Variants in PRKCB observed in about 807,000 individuals in gnomAD.
The protein encoded by PRKCB is protein kinase C beta.
In PRKCB, 13 loss-of-function variants were observed where a neutral mutation model predicts 81.5. The observed-to-expected ratio is 0.16, with a 90% CI of 0.10 to 0.25. PRKCB has a LOEUF of 0.25. PRKCB is among the 10% of genes least tolerant of loss of function. The pLI is 1.00. For missense variants in PRKCB, 509 were observed against 875.7 expected (o/e 0.58, Z 5.29); for synonymous variants, 335 against 321.4 (o/e 1.04, Z -0.45).
intron 3 of PRKCB, among the ~76,000 whole-genome samples, chr16:24,005,885 G>A (rs2141833857): frequency 6.6e-6 from 1 of 152,322 alleles, no homozygotes; most frequent in South Asian, 2.1e-4. Context: ...AACCCCAAGT[G>A]GGGACACCCA....
intron 2 of PRKCB, among the ~76,000 whole-genome samples, chr16:23,986,472 A>G (rs1964805524): frequency 6.6e-6 from 1 of 151,998 alleles, no homozygotes; most frequent in Admixed American, 6.6e-5. Context: ...GGTTGGTCTT[A>G]AACTCCTGGG....
intron 8 of PRKCB, among the ~76,000 whole-genome samples, chr16:24,123,237 T>G (rs1966823155): frequency 6.6e-6 from 1 of 152,024 alleles, no homozygotes. Context: ...GAATAGCCAT[T>G]TGTACCACAG....
chr16:23,925,025 A>G (rs1264347199), intron 2 of PRKCB, among the ~76,000 whole-genome samples: 1 of 152,092 alleles, frequency 6.6e-6, no homozygotes, highest in African/African-American at 2.4e-5. Context: ...TCAATTCATT[A>G]GGTAAGGTCT....
chr16:23,970,813 C>T (rs771199184), intron 2 of PRKCB, among the ~76,000 whole-genome samples: 1 of 152,178 alleles, frequency 6.6e-6, no homozygotes, highest in Non-Finnish European at 1.5e-5. Flanking sequence ...GTAGCACTGC[C>T]ATTTCATAAA....
intron 9 of PRKCB, among the ~76,000 whole-genome samples, chr16:24,149,976 G>GT (rs748967997): frequency 3.9e-5 from 6 of 152,120 alleles, no homozygotes; most frequent in Non-Finnish European, 8.8e-5. Flanking sequence ...TACCTTCTTT[G>GT]TTTTTTTCCC....
At chr16:23,845,580 A>C (rs960608324) in intron 2 of PRKCB, among the ~76,000 whole-genome samples, 3 of 152,218 alleles carry the variant, frequency 2.0e-5, no homozygotes, top group Non-Finnish European at 2.9e-5. Flanking sequence ...CAGGAGTTCG[A>C]GACCAGCCTG....
intron 2 of PRKCB, among the ~76,000 whole-genome samples, chr16:23,854,526 C>T (rs1053681676): frequency 5.3e-5 from 8 of 152,120 alleles, no homozygotes; most frequent in Non-Finnish European, 1.0e-4. Context: ...TGGGGCCTCT[C>T]TTCAGGTCTT....
At chr16:24,102,172 T>C (rs1356469284) in intron 7 of PRKCB, among the ~76,000 whole-genome samples, 2 of 152,150 alleles carry the variant, frequency 1.3e-5, no homozygotes, top group East Asian at 3.9e-4. Flanking sequence ...CTCTCTGTAC[T>C]ACAGCTTTCA....
Position 24,071,435 on chromosome 16 carries a change from C to T in PRKCB, c.530-21356C>T, listed in dbSNP as rs77918132. ...CCTGGGTAACATGGTGAGACCCTGT[C>T]TAAAAAAAAAAAAAAAAAAAAAAAA... On this transcript the variant is annotated intron_variant, in intron 5 of 16. Transcript: ENST00000643927. Among the ~76,000 whole-genome samples the T allele has an allele frequency of 3.1e-4, 24 of 77,710 alleles. No individual in the cohort carries two copies. In the East Asian group the frequency reaches 8.3e-3, roughly 27 times the overall value. The allele number at this position is 77,710 out of a possible 152,430, so 51.0% of individuals were successfully genotyped here.
intron 7 of PRKCB, among the ~76,000 whole-genome samples, chr16:24,107,286 T>G (rs1289041490): frequency 6.6e-6 from 1 of 152,242 alleles, no homozygotes; most frequent in Non-Finnish European, 1.5e-5. Flanking sequence ...GGGAGTTACT[T>G]TGATTCTGCA....
chr16:24,185,701 C>A (rs1377743595), intron 15 of PRKCB, 134 bp downstream of exon 15: 12 of 718,590 alleles, frequency 1.7e-5, no homozygotes, highest in Non-Finnish European at 2.8e-5. Flanking sequence ...AATATGAGAA[C>A]CCTGATGTGG....
chr16:24,077,708 T>C (rs1966198126), intron 5 of PRKCB, among the ~76,000 whole-genome samples: 1 of 152,208 alleles, frequency 6.6e-6, no homozygotes, highest in Non-Finnish European at 1.5e-5. Context: ...TGGGACCCCT[T>C]CTAACAGATG....
chr16:24,014,669 C>T (rs1965253108), intron 3 of PRKCB, among the ~76,000 whole-genome samples: 2 of 152,206 alleles, frequency 1.3e-5, no homozygotes, highest in Admixed American at 1.3e-4. Flanking sequence ...AAAGCAGGCT[C>T]ATTATATTCA....
chr16:23,993,867 C>T (rs1039902329), intron 3 of PRKCB, among the ~76,000 whole-genome samples: 1 of 152,154 alleles, frequency 6.6e-6, no homozygotes, highest in Non-Finnish European at 1.5e-5. Context: ...GGGAAGCCTA[C>T]TAAATTCTTA....
intron 2 of PRKCB, among the ~76,000 whole-genome samples, chr16:23,955,249 C>T (rs1046324214): frequency 6.6e-6 from 1 of 151,992 alleles, no homozygotes; most frequent in African/African-American, 2.4e-5. Context: ...CACACACACA[C>T]ACAGCCAGGC....
intron 2 of PRKCB, among the ~76,000 whole-genome samples, chr16:23,854,509 G>C (rs926027204): frequency 3.9e-4 from 59 of 152,140 alleles, no homozygotes; most frequent in African/African-American, 1.4e-3. Flanking sequence ...GGGATGTCTA[G>C]GACAACTGGG....
intron 9 of PRKCB, among the ~76,000 whole-genome samples, chr16:24,150,038 G>A (rs1440299413): frequency 6.6e-6 from 1 of 152,120 alleles, no homozygotes; most frequent in Non-Finnish European, 1.5e-5. Flanking sequence ...TGGTAGAAAA[G>A]GACCACGCTA....
intron 10 of PRKCB, among the ~76,000 whole-genome samples, chr16:24,168,944 T>C (rs966711545): frequency 1.3e-5 from 2 of 152,048 alleles, no homozygotes; most frequent in Non-Finnish European, 2.9e-5. Flanking sequence ...CAACTTGAGT[T>C]TGGAAAACAC....
intron 5 of PRKCB, among the ~76,000 whole-genome samples, chr16:24,037,035 C>A (rs1965630708): frequency 6.6e-6 from 1 of 152,210 alleles, no homozygotes; most frequent in Non-Finnish European, 1.5e-5. Flanking sequence ...GTTGCCCAGG[C>A]TGGAGTGTGG....
Sources: gnomAD v4.1 joint callset for allele counts (sites outside exome capture counted in the v4.1 genomes callset) on GRCh38, gnomAD v4.1.1 for gene constraint, MANE v1.5 for transcripts, NCBI Gene and HGNC (gene_info 2026-07-23, HGNC 2026-07-21) for gene names.